OPCML: variants seen among roughly 807,000 people sequenced by gnomAD.
The protein encoded by OPCML is opioid binding protein/cell adhesion molecule like.
A neutral mutation model predicts 37.8 loss-of-function variants in OPCML; 13 were observed. That is an observed-to-expected ratio of 0.34 (90% CI 0.22 to 0.55). OPCML has a LOEUF of 0.55. OPCML is among the 20% of genes least tolerant of loss of function. OPCML has a pLI of 0.91. For missense variants in OPCML, 341 were observed against 435.6 expected (o/e 0.78, Z 1.93); for synonymous variants, 176 against 168.8 (o/e 1.04, Z -0.33).
At chr11:133,223,501 G>A (rs1939918679) in intron 1 of OPCML, among the ~76,000 whole-genome samples, 1 of 152,168 alleles carries the variant, frequency 6.6e-6, no homozygotes, top group African/African-American at 2.4e-5. Flanking sequence ...AAAAACTGGA[G>A]GGGAGGAGGA....
chr11:132,915,845 T>C (rs758531489), intron 2 of OPCML, among the ~76,000 whole-genome samples: 1 of 152,222 alleles, frequency 6.6e-6, no homozygotes, highest in Non-Finnish European at 1.5e-5. Flanking sequence ...TATGTGACTG[T>C]TCTTTATATA....
At chr11:133,007,913 T>C (rs996972143) in intron 1 of OPCML, 1 of 985,434 alleles carries the variant, frequency 1.0e-6, no homozygotes. Context: ...TGTCCTGCAT[T>C]TGAGGTCCAT....
intron 4 of OPCML, among the ~76,000 whole-genome samples, chr11:132,451,802 T>C (rs570818648): frequency 6.6e-6 from 1 of 152,160 alleles, no homozygotes; most frequent in African/African-American, 2.4e-5. Flanking sequence ...AAGACTTTTT[T>C]TGTGTGTGTT....
At chr11:133,486,521 C>T (rs1467787366) in intron 1 of OPCML, among the ~76,000 whole-genome samples, 4 of 152,098 alleles carry the variant, frequency 2.6e-5, no homozygotes, top group Non-Finnish European at 5.9e-5. Flanking sequence ...CCAATGCTTG[C>T]TCCTTCACAG....
chr11:132,680,312 T>C (rs1942884621), intron 2 of OPCML, among the ~76,000 whole-genome samples: 1 of 152,138 alleles, frequency 6.6e-6, no homozygotes, highest in African/African-American at 2.4e-5. Flanking sequence ...TATATTTCAG[T>C]AGTGGTCTTC....
At chr11:132,932,421 G>A (rs1023742901) in intron 2 of OPCML, among the ~76,000 whole-genome samples, 2 of 152,102 alleles carry the variant, frequency 1.3e-5, no homozygotes, top group African/African-American at 4.8e-5. Context: ...ATGCGTCCAA[G>A]TATACTGATG....
intron 4 of OPCML, among the ~76,000 whole-genome samples, chr11:132,492,322 G>C (rs1007248587): frequency 3.3e-5 from 5 of 152,086 alleles, no homozygotes; most frequent in Non-Finnish European, 7.4e-5. Flanking sequence ...CTGCAGGAGA[G>C]ATGATAGATG....
Position 132,698,019 on chromosome 11 carries a change from T to C in OPCML, c.147-40700A>G, listed in dbSNP as rs892157118. 5.0e-4 allele frequency among the ~76,000 whole-genome samples: 54 copies of C among 108,578 alleles called. 2 individuals carry two copies. Among genetic ancestry groups the C allele is most frequent in the African/African-American group, 1.8e-3 (53 of 28,984 alleles). The allele number at this position is 108,578 out of a possible 152,430, so 71.2% of individuals were successfully genotyped here. On this transcript the variant is annotated intron_variant, in intron 2 of 7. Coordinates refer to ENST00000524381, the MANE Select transcript of OPCML (RefSeq NM_001012393.5). ...ATTTATTTATTTATTTATTTATTTATTTATTTATTGTAGAGATGGGATCTC... is the reference window on the plus strand; with the variant it reads ...ATTTATTTATTTATTTATTTATTTACTTATTTATTGTAGAGATGGGATCTC...
chr11:133,439,291 T>TG (rs1220835212), intron 1 of OPCML: 29 of 951,716 alleles, frequency 3.0e-5, no homozygotes, highest in Non-Finnish European at 3.4e-5. Flanking sequence ...GAGTAAAAGA[T>TG]GTTTTTTTTT....
At chr11:132,539,724 A>T (rs2096351108) in intron 3 of OPCML, among the ~76,000 whole-genome samples, 1 of 151,896 alleles carries the variant, frequency 6.6e-6, no homozygotes, top group Admixed American at 6.6e-5. Flanking sequence ...GGTGATGATG[A>T]TGGTGATAAT....
At chr11:132,453,474 A>G (rs7929377) in intron 4 of OPCML, among the ~76,000 whole-genome samples, 5,100 of 152,288 alleles carry the variant, frequency 0.033, 118 homozygotes, top group African/African-American at 0.056. Flanking sequence ...AATTCCTAAC[A>G]CATGATCGGG....
chr11:133,314,695 C>T (rs1331375313), intron 1 of OPCML, among the ~76,000 whole-genome samples: 4 of 150,188 alleles, frequency 2.7e-5, no homozygotes, highest in Non-Finnish European at 6.0e-5. Flanking sequence ...CAGCAGCCCT[C>T]GACTCAATGG....
chr11:133,161,977 G>A (rs1487190715), intron 1 of OPCML, among the ~76,000 whole-genome samples: 2 of 129,474 alleles, frequency 1.5e-5, no homozygotes, highest in Admixed American at 7.6e-5. Context: ...AAGAGAGGCA[G>A]TCTCTGTCTT....
chr11:132,637,261 G>A (rs528475315), intron 3 of OPCML, among the ~76,000 whole-genome samples: 48 of 151,652 alleles, frequency 3.2e-4, no homozygotes, highest in African/African-American at 6.5e-4. Flanking sequence ...TATTTCCACC[G>A]TTTTTTTCCA....
intron 3 of OPCML, among the ~76,000 whole-genome samples, chr11:132,584,111 G>C (rs889067688): frequency 6.6e-6 from 1 of 151,926 alleles, no homozygotes; most frequent in Non-Finnish European, 1.5e-5. Context: ...GTTAAGCCAG[G>C]GCCATTTAAA....
intron 1 of OPCML, among the ~76,000 whole-genome samples, chr11:132,983,230 G>C (rs1946623547): frequency 6.6e-6 from 1 of 152,178 alleles, no homozygotes. Flanking sequence ...AAGCAGGTCA[G>C]CGAAGACTCT....
chr11:132,496,114 T>TC (rs1015260229), intron 4 of OPCML, among the ~76,000 whole-genome samples: 2 of 151,678 alleles, frequency 1.3e-5, no homozygotes, highest in African/African-American at 4.8e-5. Flanking sequence ...AAATCTGAAT[T>TC]CCCCCCACTG....
At chr11:133,330,842 A>G (rs1943602806) in intron 1 of OPCML, among the ~76,000 whole-genome samples, 1 of 152,216 alleles carries the variant, frequency 6.6e-6, no homozygotes, top group Non-Finnish European at 1.5e-5. Flanking sequence ...TAATAATAAT[A>G]AAATTTAAAA....
intron 1 of OPCML, among the ~76,000 whole-genome samples, chr11:133,260,355 A>G (rs1241818599): frequency 6.6e-6 from 1 of 152,144 alleles, no homozygotes; most frequent in African/African-American, 2.4e-5. Flanking sequence ...GAAACTGGCC[A>G]CTGTGTTGAG....
Sources: allele counts gnomAD v4.1 joint callset (sites outside exome capture counted in the v4.1 genomes callset), GRCh38; gene constraint gnomAD v4.1.1; transcripts MANE v1.5; gene names NCBI Gene and HGNC (gene_info 2026-07-23, HGNC 2026-07-21).